ATP10B: variants seen among roughly 807,000 people sequenced by gnomAD.
ATP10B encodes the protein ATPase phospholipid transporting 10B (putative).
ATP10B carries 122 observed loss-of-function variants against 141.2 expected under a neutral mutation model. The ratio of observed to expected loss-of-function variants is 0.86; its 90% CI spans 0.75 to 1.00. ATP10B has a LOEUF of 1.00. Among genes scored for constraint, ATP10B ranks in the 50% least tolerant of loss-of-function variants. The pLI, the probability that ATP10B is intolerant of heterozygous loss-of-function variation, is 0.00. For missense variants in ATP10B, 1,876 were observed against 1,825.3 expected (o/e 1.03, Z -0.51); for synonymous variants, 685 against 692.0 (o/e 0.99, Z 0.16).
chr5:160,915,001 G>A, the ATP10B span, among the ~76,000 whole-genome samples: 1 of 152,144 alleles, frequency 6.6e-6, no homozygotes, highest in Non-Finnish European at 1.5e-5. Context: ...CTAGTTTAGG[G>A]GCTTAGAAGT....
upstream of ATP10B, among the ~76,000 whole-genome samples, chr5:160,852,515 GAAAGA>G (rs1232351121): frequency 6.6e-6 from 1 of 152,100 alleles, no homozygotes; most frequent in Non-Finnish European, 1.5e-5. Context: ...GGGCACTTAA[GAAAGA>G]AAAGACTCTC....
chr5:160,740,868 T>C (rs1767419343), intron 2 of ATP10B, among the ~76,000 whole-genome samples: 2 of 152,184 alleles, frequency 1.3e-5, no homozygotes, highest in African/African-American at 4.8e-5. Flanking sequence ...ATCCCCAACC[T>C]ATTGTCAATC....
the ATP10B span, among the ~76,000 whole-genome samples, chr5:160,918,766 G>C: frequency 1.3e-5 from 2 of 152,298 alleles, no homozygotes; most frequent in South Asian, 2.1e-4. Flanking sequence ...TTATGGAGTA[G>C]ATAAACCTTG....
chr5:160,799,723 G>A (rs1187337517), intron 1 of ATP10B, among the ~76,000 whole-genome samples: 1 of 152,178 alleles, frequency 6.6e-6, no homozygotes, highest in Non-Finnish European at 1.5e-5. Context: ...AGGAAGAATG[G>A]CCAAATGGGG....
rs570858067 is a variant in ATP10B, at chr5:160,821,938, G to A, written c.-576+30003C>T. On this transcript the variant is annotated intron_variant, in intron 1 of 25. Coordinates refer to ENST00000327245, the MANE Select transcript of ATP10B (RefSeq NM_025153.3). ...AGCAAACATTAAGGAAATTCTCCAGGATACTGGACTGGGCAAAGGTTTCTT... is the reference window on the plus strand; with the variant it reads ...AGCAAACATTAAGGAAATTCTCCAGAATACTGGACTGGGCAAAGGTTTCTT... 5.9e-5 allele frequency among the ~76,000 whole-genome samples: 9 copies of A among 152,168 alleles called. No homozygotes were observed. In the East Asian group the frequency reaches 1.7e-3, roughly 29 times the overall value.
intron 23 of ATP10B, 148 bp downstream of exon 23, chr5:160,590,911 C>T (rs1379994067): frequency 8.2e-6 from 5 of 608,504 alleles, no homozygotes; most frequent in Non-Finnish European, 1.4e-5. Flanking sequence ...ACTTTTCAAA[C>T]ACCTTGGGTT....
the ATP10B span, among the ~76,000 whole-genome samples, chr5:160,857,338 T>C: frequency 6.6e-6 from 1 of 151,554 alleles, no homozygotes; most frequent in Non-Finnish European, 1.5e-5. Context: ...GAGTTGTCTA[T>C]ATTATTTTCT....
chr5:160,900,035 T>G, the ATP10B span, among the ~76,000 whole-genome samples: 1 of 152,068 alleles, frequency 6.6e-6, no homozygotes, highest in Non-Finnish European at 1.5e-5. Flanking sequence ...TTGTGGTTGT[T>G]GTGTTATTTT....
intron 3 of ATP10B, among the ~76,000 whole-genome samples, chr5:160,715,224 C>T (rs1287447842): frequency 2.0e-4 from 25 of 124,378 alleles, no homozygotes; most frequent in African/African-American, 7.4e-4. Flanking sequence ...CTCGTTGCTG[C>T]CTTGCAGTTT....
rs145233603 is a variant in ATP10B, at chr5:160,689,245, T to C, written c.-204-302A>G. On this transcript the variant is annotated intron_variant, in intron 3 of 25. Transcript: ENST00000327245. ...AAGTATCTCGAAATAATAAGAGCCA[T>C]TTATTACAAACCCACAACCAATATC... 6.0e-3 allele frequency among the ~76,000 whole-genome samples: 908 copies of C among 152,304 alleles called. 10 individuals carry two copies. Among genetic ancestry groups the C allele is most frequent in the African/African-American group, 0.021 (873 of 41,562 alleles).
chr5:160,853,748 ACTGT>A (rs1160316449), upstream of ATP10B, among the ~76,000 whole-genome samples: 1 of 152,196 alleles, frequency 6.6e-6, no homozygotes, highest in Non-Finnish European at 1.5e-5. Context: ...ATTAAGTGAC[ACTGT>A]CTGGCTAATT....
chr5:160,617,995 G>T (rs767072239), intron 15 of ATP10B, 22 bp from the exon 16 acceptor site: 47 of 1,575,176 alleles, frequency 3.0e-5, no homozygotes, highest in African/African-American at 2.2e-4. Context: ...CCATTTTCCC[G>T]CATGAGGCCA....
intron 1 of ATP10B, among the ~76,000 whole-genome samples, chr5:160,836,789 A>G (rs1370472476): frequency 6.6e-6 from 1 of 151,956 alleles, no homozygotes; most frequent in African/African-American, 2.4e-5. Flanking sequence ...ATGAAAAACC[A>G]CTTCCTTCAA....
At chr5:160,854,365 T>A (rs560361041), upstream of ATP10B, among the ~76,000 whole-genome samples, 1 of 152,100 alleles carries the variant, frequency 6.6e-6, no homozygotes, top group African/African-American at 2.4e-5. Context: ...GTGTGATGTT[T>A]CTTCCCTGTG....
intron 22 of ATP10B, among the ~76,000 whole-genome samples, chr5:160,595,410 A>G (rs1410152644): frequency 1.3e-5 from 2 of 152,138 alleles, no homozygotes; most frequent in African/African-American, 4.8e-5. Context: ...AGGGAAATTT[A>G]TAGCACTAAA....
chr5:160,720,548 T>A (rs1049736169), intron 2 of ATP10B, among the ~76,000 whole-genome samples: 2 of 152,236 alleles, frequency 1.3e-5, no homozygotes, highest in African/African-American at 4.8e-5. Flanking sequence ...GCTTCTTCAA[T>A]CAGGCGTTGG....
At chr5:160,771,035 G>T (rs532730042) in intron 2 of ATP10B, among the ~76,000 whole-genome samples, 1 of 152,184 alleles carries the variant, frequency 6.6e-6, no homozygotes, top group East Asian at 1.9e-4. Context: ...TGCTGAAAGG[G>T]TTGGAACTGG....
intron 7 of ATP10B, among the ~76,000 whole-genome samples, chr5:160,663,106 T>G (rs1267280445): frequency 1.3e-5 from 2 of 152,094 alleles, no homozygotes; most frequent in Non-Finnish European, 2.9e-5. Context: ...CTCACACCAG[T>G]TAGAATGGCA....
In ATP10B at chr5:160,585,969, T is replaced by G. The variant is rs544942936; in HGVS notation, c.3750+3623A>C. 9.2e-5 allele frequency among the ~76,000 whole-genome samples: 14 copies of G among 152,190 alleles called. No individual in the cohort carries two copies. The South Asian group carries it at 2.9e-3, about 32-fold the overall frequency. ...CACATTGGAGCAGGATTTTAAAAAA[T>G]TTTTATTTTACTTTAAGTTCCGGGA... On this transcript the variant is annotated intron_variant, in intron 24 of 25. Transcript: ENST00000327245.
Sources: gnomAD v4.1 joint callset for allele counts (sites outside exome capture counted in the v4.1 genomes callset) on GRCh38, gnomAD v4.1.1 for gene constraint, MANE v1.5 for transcripts, NCBI Gene and HGNC (gene_info 2026-07-23, HGNC 2026-07-21) for gene names.